Variants in CACNG4 observed in about 807,000 individuals in gnomAD.
The protein encoded by CACNG4 is calcium voltage-gated channel auxiliary subunit gamma 4, also known as voltage-dependent calcium channel gamma-4 subunit.
A neutral mutation model predicts 22.9 loss-of-function variants in CACNG4; 8 were observed. That is an observed-to-expected ratio of 0.35 (90% CI 0.21 to 0.63). CACNG4 has a LOEUF of 0.63. Among genes scored for constraint, CACNG4 ranks in the 30% least tolerant of loss-of-function variants. CACNG4 has a pLI of 0.72. For missense variants in CACNG4, 357 were observed against 455.4 expected (o/e 0.78, Z 1.97); for synonymous variants, 188 against 191.9 (o/e 0.98, Z 0.17).
intron 1 of CACNG4, among the ~76,000 whole-genome samples, chr17:66,988,300 T>G (rs1468621945): frequency 6.6e-6 from 1 of 152,134 alleles, no homozygotes; most frequent in Non-Finnish European, 1.5e-5. Flanking sequence ...CAGGGTGTCC[T>G]GTGACTCGGC....
In CACNG4 at chr17:66,988,719, T is replaced by C. The variant is rs574535730; in HGVS notation, c.220+23588T>C. ...AGACCAGAATCTTCCTGAAATTTCT[T>C]GGTGGGGGCTTCCCATTTCTAGTTC... is the stretch of plus-strand genomic sequence containing the variant. On this transcript the variant is annotated intron_variant, in intron 1 of 3. Coordinates refer to ENST00000262138, the MANE Select transcript of CACNG4 (RefSeq NM_014405.4). 3.9e-5 allele frequency among the ~76,000 whole-genome samples: 6 copies of C among 152,118 alleles called. No homozygotes were observed. In the South Asian group the frequency reaches 8.3e-4, roughly 21 times the overall value.
chr17:66,997,748 T>G (rs1009181352), intron 1 of CACNG4, among the ~76,000 whole-genome samples: 47 of 151,666 alleles, frequency 3.1e-4, no homozygotes, highest in African/African-American at 1.1e-3. Flanking sequence ...GCCTGGGAGG[T>G]GGAGGTTGCA....
intron 1 of CACNG4, among the ~76,000 whole-genome samples, chr17:67,004,999 C>G (rs1419935583): frequency 6.6e-6 from 1 of 152,178 alleles, no homozygotes; most frequent in Non-Finnish European, 1.5e-5. Flanking sequence ...GCTGGGATTA[C>G]AGTTGTGAGG....
At chr17:66,982,746 A>G (rs901179526) in intron 1 of CACNG4, among the ~76,000 whole-genome samples, 1 of 152,116 alleles carries the variant, frequency 6.6e-6, no homozygotes, top group Admixed American at 6.6e-5. Context: ...TATAGAGATG[A>G]GGTCTTGCTC....
chr17:66,979,043 C>T (rs759061035), intron 1 of CACNG4, among the ~76,000 whole-genome samples: 2 of 150,724 alleles, frequency 1.3e-5, no homozygotes, highest in Non-Finnish European at 1.5e-5. Flanking sequence ...CCTTCCCTCA[C>T]CCTGGTGGTT....
intron 1 of CACNG4, among the ~76,000 whole-genome samples, chr17:66,973,503 G>T (rs1300558320): frequency 1.3e-5 from 2 of 152,232 alleles, no homozygotes; most frequent in Non-Finnish European, 2.9e-5. Context: ...GCAGAAAGTG[G>T]CTGTGGGGCT....
At chr17:66,985,647 G>A (rs2035301184) in intron 1 of CACNG4, among the ~76,000 whole-genome samples, 1 of 152,204 alleles carries the variant, frequency 6.6e-6, no homozygotes, top group Non-Finnish European at 1.5e-5. Flanking sequence ...CACACATGCA[G>A]TCTCCTATTC....
At position 67,032,023 on chromosome 17, in the gene CACNG4, A is replaced by G. The variant is rs1051193233; in HGVS notation, c.*1019A>G. Reference sequence around the variant, plus strand: ...ACATCCATTTCCTAGGTGGTTACAAATCATAACTTCCTGCAAATCAACGCC... The same window carrying G: ...ACATCCATTTCCTAGGTGGTTACAAGTCATAACTTCCTGCAAATCAACGCC... On this transcript the variant is annotated 3_prime_UTR_variant, in exon 4 of 4. Coordinates refer to ENST00000262138, the MANE Select transcript of CACNG4 (RefSeq NM_014405.4). 8.9e-6 allele frequency: 4 copies of G among 451,320 alleles called. No individual in the cohort carries two copies. Among genetic ancestry groups the G allele is most frequent in the African/African-American group, 8.0e-5 (4 of 49,726 alleles). The allele number at this position is 451,320 out of a possible 1,614,324, so 28.0% of individuals were successfully genotyped here.
At chr17:67,001,123 A>G (rs1342592798) in intron 1 of CACNG4, among the ~76,000 whole-genome samples, 2 of 151,974 alleles carry the variant, frequency 1.3e-5, no homozygotes, top group East Asian at 3.9e-4. Flanking sequence ...ATGGTTTTAT[A>G]AAGGGCAGTT....
chr17:66,991,301 T>G (rs1424962921), intron 1 of CACNG4, among the ~76,000 whole-genome samples: 1 of 151,812 alleles, frequency 6.6e-6, no homozygotes, highest in African/African-American at 2.4e-5. Flanking sequence ...TGGTGAAAGA[T>G]GAAGATGAAT....
intron 3 of CACNG4, among the ~76,000 whole-genome samples, chr17:67,026,795 A>ATGTGTGTGT (rs1491462810): frequency 1.3e-5 from 2 of 151,636 alleles, no homozygotes; most frequent in Non-Finnish European, 2.9e-5. Flanking sequence ...GTGTGTGCAC[A>ATGTGTGTGT]TGTGTGTGTG....
rs1389173979 is a variant in CACNG4, at chr17:66,984,720, T to C, written c.220+19589T>C. 6.6e-6 allele frequency among the ~76,000 whole-genome samples: 1 copy of C among 152,168 alleles called. No homozygotes were observed. The highest frequency in any genetic ancestry group is 1.5e-5 in the Non-Finnish European group (1 of 68,040). ...TTCCTGCCTCGCCATCTGCTTGTGC[T>C]GTCTCTCATGGGATCCTCATAACCC... On this transcript the variant is annotated intron_variant, in intron 1 of 3. Transcript: ENST00000262138. This position sits in a 1 kb window ranked among gnomAD's most constrained non-coding sequence, Gnocchi z 4.0.
intron 1 of CACNG4, among the ~76,000 whole-genome samples, chr17:66,978,623 G>A (rs1220887344): frequency 6.6e-6 from 1 of 152,218 alleles, no homozygotes; most frequent in African/African-American, 2.4e-5. Context: ...ATGCGATGGG[G>A]GAGGGATGCC....
At chr17:67,001,894 A>G (rs2035410331) in intron 1 of CACNG4, among the ~76,000 whole-genome samples, 1 of 152,212 alleles carries the variant, frequency 6.6e-6, no homozygotes, top group Non-Finnish European at 1.5e-5. Flanking sequence ...ATGCAGGGCC[A>G]TGGACACCAG....
At chr17:67,013,885 C>T (rs1277949374) in intron 1 of CACNG4, among the ~76,000 whole-genome samples, 1 of 152,102 alleles carries the variant, frequency 6.6e-6, no homozygotes, top group Non-Finnish European at 1.5e-5. Context: ...TGCAGACGAG[C>T]CTGTACCTGC....
At chr17:67,001,665 A>G (rs2035408603) in intron 1 of CACNG4, among the ~76,000 whole-genome samples, 1 of 152,076 alleles carries the variant, frequency 6.6e-6, no homozygotes, top group Non-Finnish European at 1.5e-5. Flanking sequence ...CAACCTCTTA[A>G]TGTGTCAGCG....
intron 1 of CACNG4, among the ~76,000 whole-genome samples, chr17:66,972,383 C>T (rs913527352): frequency 6.6e-6 from 1 of 152,160 alleles, no homozygotes; most frequent in African/African-American, 2.4e-5. Flanking sequence ...AGGAGCTGTC[C>T]TCTGTGCTGT....
chr17:66,988,125 A>G (rs67964604), intron 1 of CACNG4, among the ~76,000 whole-genome samples: 7,741 of 151,812 alleles, frequency 0.051, 649 homozygotes, highest in African/African-American at 0.18. Context: ...CCACCCTGAT[A>G]GCACCCAGCT....
intron 1 of CACNG4, among the ~76,000 whole-genome samples, chr17:67,010,187 C>T (rs781238412): frequency 3.3e-5 from 5 of 152,196 alleles, no homozygotes; most frequent in Non-Finnish European, 5.9e-5. Context: ...CCATGCCTAC[C>T]CTCCCTGACT....
Sources: gnomAD v4.1 joint callset for allele counts (sites outside exome capture counted in the v4.1 genomes callset) on GRCh38, gnomAD v4.1.1 for gene constraint, Gnocchi (gnomAD v3.1) non-coding constraint, MANE v1.5 for transcripts, NCBI Gene and HGNC (gene_info 2026-07-23, HGNC 2026-07-21) for gene names.